Variants in ANKRD30B observed in about 807,000 individuals in gnomAD.
ANKRD30B encodes the protein ankyrin repeat domain 30B, also known as ankyrin repeat domain-containing protein 30B.
Under a neutral mutation model 202.2 loss-of-function variants are expected in ANKRD30B, and 144 were observed. The ratio of observed to expected loss-of-function variants is 0.71; its 90% CI spans 0.62 to 0.82. The LOEUF (loss-of-function observed/expected upper bound fraction) is 0.82. Ranked by LOEUF, ANKRD30B falls within the 40% of genes least tolerant of loss-of-function variation. ANKRD30B has a pLI of 0.00. For missense variants in ANKRD30B, 1,487 were observed against 1,669.1 expected (o/e 0.89, Z 1.90); for synonymous variants, 508 against 561.3 (o/e 0.91, Z 1.34).
In ANKRD30B at chr18:14,789,030, A is replaced by G. The variant is rs545025067; in HGVS notation, c.1734+1930A>G. The stretch of plus-strand genomic sequence containing the variant: ...CCACCAACAGTGTAAAAGTGTTCCT[A>G]TTTCTCCACATCCTCTCCAGCACCT... On this transcript the variant is annotated intron_variant, in intron 15 of 43. Coordinates refer to ENST00000690538, the MANE Select transcript of ANKRD30B (RefSeq NM_001367607.2). Among the ~76,000 whole-genome samples, 2 of 151,366 alleles carry G rather than the reference A, an allele frequency of 1.3e-5. 1 individual carries two copies. Among genetic ancestry groups the G allele is most frequent in the East Asian group, 3.9e-4 (2 of 5,128 alleles).
chr18:14,793,652 T>C (rs1968674262), intron 16 of ANKRD30B, among the ~76,000 whole-genome samples: 1 of 152,150 alleles, frequency 6.6e-6, no homozygotes, highest in African/African-American at 2.4e-5. Context: ...CCCAGCACTT[T>C]GGGAGGCCGA....
intron 22 of ANKRD30B, among the ~76,000 whole-genome samples, 177 bp downstream of exon 22, chr18:14,799,472 A>T (rs555595543): frequency 1.2e-4 from 18 of 152,262 alleles, no homozygotes; most frequent in South Asian, 6.2e-4. Flanking sequence ...AGCATAAGAA[A>T]TAGGGATTTA....
intron 7 of ANKRD30B, among the ~76,000 whole-genome samples, chr18:14,767,496 CCTT>C (rs1367042979): frequency 1.3e-5 from 2 of 151,968 alleles, no homozygotes; most frequent in African/African-American, 2.4e-5. Context: ...TTGTACTCAC[CCTT>C]CTTTTTCTTG....
chr18:14,772,200 T>C lies in ANKRD30B; in HGVS notation c.1301T>C (p.Val434Ala). 6.6e-7 allele frequency: 1 copy of C among 1,509,768 alleles called. No individual in the cohort carries two copies. Among genetic ancestry groups the C allele is most frequent in the Non-Finnish European group, 8.9e-7 (1 of 1,123,110 alleles). 93.5% of individuals were successfully genotyped at this position (1,509,768 alleles called of 1,614,324 possible). Residue 434 changes from valine (V) to alanine (A), a missense_variant, in exon 9 of 44, where the codon GTT (valine) becomes GCT (alanine). Coordinates refer to ENST00000690538, the MANE Select transcript of ANKRD30B (RefSeq NM_001367607.2). ...RTIENSQCTK[V>A]EEDFNLATKI... is the part of the protein sequence containing the mutation. ...ATTGAAAATTCACAGTGTACAAAAG[T>C]TGAGGAAGACTTTAATCTTGCTACC... is the stretch of plus-strand genomic sequence containing the variant.
the ANKRD30B span, among the ~76,000 whole-genome samples, chr18:14,865,420 A>G: frequency 0.045 from 6,593 of 145,092 alleles, 68 homozygotes; most frequent in Non-Finnish European, 0.069. Context: ...CTTTTTACCT[A>G]CAGTCTTCTT....
At chr18:14,777,921 A>C in intron 9 of ANKRD30B, 64 bp from the exon 10 acceptor site, 21 of 1,063,336 alleles carry the variant, frequency 2.0e-5, no homozygotes, top group Non-Finnish European at 2.8e-5. Flanking sequence ...ACCCTGTGAG[A>C]CTTCATCTCA....
chr18:14,777,938 CA>C (rs1015622341), intron 9 of ANKRD30B, 46 bp from the exon 10 acceptor site: 9 of 1,419,282 alleles, frequency 6.3e-6, no homozygotes, highest in South Asian at 2.6e-5. Context: ...CTCAAAAAAA[CA>C]AAAAAAGGAA....
At chr18:14,923,246 G>A in the ANKRD30B span, among the ~76,000 whole-genome samples, 49 of 152,294 alleles carry the variant, frequency 3.2e-4, no homozygotes, top group African/African-American at 1.0e-3. Flanking sequence ...GATGGCATTT[G>A]TGGGCCTGCC....
At chr18:14,768,342 A>T (rs114353552) in intron 7 of ANKRD30B, among the ~76,000 whole-genome samples, 302 of 152,196 alleles carry the variant, frequency 2.0e-3, no homozygotes, top group African/African-American at 7.1e-3. Context: ...CCTTTGTGAT[A>T]CCCTTCATAA....
intron 7 of ANKRD30B, among the ~76,000 whole-genome samples, chr18:14,768,119 G>T (rs994502984): frequency 2.6e-5 from 4 of 152,124 alleles, no homozygotes; most frequent in Non-Finnish European, 4.4e-5. Flanking sequence ...AACCTCCTAG[G>T]AGGTGAAGAT....
At chr18:14,869,392 C>A in the ANKRD30B span, among the ~76,000 whole-genome samples, 3 of 151,054 alleles carry the variant, frequency 2.0e-5, no homozygotes, top group Admixed American at 6.6e-5. Flanking sequence ...TGTTGTATGA[C>A]AAGAAATATG....
intron 11 of ANKRD30B, among the ~76,000 whole-genome samples, chr18:14,781,827 A>G (rs1485010491): frequency 1.3e-5 from 2 of 152,198 alleles, no homozygotes; most frequent in African/African-American, 4.8e-5. Flanking sequence ...TTTATTCAGT[A>G]AGATAATAAT....
At position 14,807,451 on chromosome 18, in the gene ANKRD30B, T is replaced by C. The variant is rs564330075; in HGVS notation, c.2285-1100T>C. Among the ~76,000 whole-genome samples the C allele has an allele frequency of 9.9e-4, 149 of 149,804 alleles. 4 individuals are homozygous for C. Among genetic ancestry groups the C allele is most frequent in the African/African-American group, 3.3e-3 (132 of 40,426 alleles). ...AAACTGTTATTTTCAATAACCATTATTCTAACATTGAAATATGCAGGTTAA... is the reference window on the plus strand; with the variant it reads ...AAACTGTTATTTTCAATAACCATTACTCTAACATTGAAATATGCAGGTTAA... On this transcript the variant is annotated intron_variant, in intron 24 of 43. Transcript: ENST00000690538.
chr18:14,925,985 A>C, the ANKRD30B span, among the ~76,000 whole-genome samples: 2 of 152,274 alleles, frequency 1.3e-5, no homozygotes, highest in East Asian at 1.9e-4. Context: ...TGTACTTATA[A>C]ATTTTGGGTT....
At chr18:14,810,246 C>T (rs1329144052) in intron 28 of ANKRD30B, 66 bp downstream of exon 28, 1 of 991,508 alleles carries the variant, frequency 1.0e-6, no homozygotes, top group East Asian at 3.0e-5. Flanking sequence ...ATGCTGAGAG[C>T]CTTTTATTCC....
At chr18:14,798,901 T>A (rs141544229) in intron 20 of ANKRD30B, among the ~76,000 whole-genome samples, 200 bp from the exon 21 acceptor site, 1 of 152,254 alleles carries the variant, frequency 6.6e-6, no homozygotes, top group East Asian at 1.9e-4. Flanking sequence ...CATCTTTCAT[T>A]CCATAGCAAC....
intron 24 of ANKRD30B, among the ~76,000 whole-genome samples, chr18:14,807,199 C>T (rs1334518294): frequency 6.6e-6 from 1 of 150,760 alleles, no homozygotes; most frequent in Non-Finnish European, 1.5e-5. Context: ...GTGTGTCTTA[C>T]TGAAAAATAA....
the ANKRD30B span, among the ~76,000 whole-genome samples, chr18:14,886,229 T>C: frequency 1.3e-5 from 2 of 151,966 alleles, no homozygotes; most frequent in African/African-American, 4.8e-5. Flanking sequence ...ATGTGCCAAC[T>C]GATCTAGACT....
Position 14,752,569 on chromosome 18 carries a change from T to G in ANKRD30B, c.225T>G (p.Thr75=). 1 of 1,609,994 alleles carries G rather than the reference T, an allele frequency of 6.2e-7. No homozygotes were observed. The highest frequency in any genetic ancestry group is 1.3e-5 in the African/African-American group (1 of 74,868). The part of the protein sequence containing the change: ...NLNKRDMKKR[T]ALHWACVNGH... The stretch of plus-strand genomic sequence containing the variant: ...AAAAGTCCTCTCACTCTCGTAGGAC[T>G]GCTCTACACTGGGCCTGTGTCAATG... The change falls in exon 2 of 44, where the codon ACT becomes ACG. Residue 75 remains threonine, a synonymous_variant. Transcript: ENST00000690538.
Sources: gnomAD v4.1 joint callset for allele counts (sites outside exome capture counted in the v4.1 genomes callset) on GRCh38, gnomAD v4.1.1 for gene constraint, MANE v1.5 for transcripts, NCBI Gene and HGNC (gene_info 2026-07-23, HGNC 2026-07-21) for gene names.